Variants in BIRC6 observed in about 807,000 individuals in gnomAD.
BIRC6 encodes the protein dual E2 ubiquitin-conjugating enzyme/E3 ubiquitin-protein ligase BIRC6.
In BIRC6, 98 loss-of-function variants were observed where a neutral mutation model predicts 503.3. The ratio of observed to expected loss-of-function variants is 0.19; its 90% CI spans 0.17 to 0.23. The LOEUF is 0.23. Among genes scored for constraint, BIRC6 ranks in the 10% least tolerant of loss-of-function variants. The pLI is 1.00. For synonymous variants in BIRC6, 2,240 were observed against 2,078.7 expected, an observed-to-expected ratio of 1.08 and a Z score of -2.11; for missense variants, 5,360 against 5,806.0, an observed-to-expected ratio of 0.92 and a Z score of 2.50.
rs925416138 is a variant in BIRC6 at position 32,477,556 on chromosome 2, T to C, written c.7041T>C (p.His2347=). ...TTCTCTCCATGGACTTTACATGTCA[T>C]GCAGATCTCTTATTGTTTGTTTGTA... The part of the protein sequence containing the change: ...LFLLSMDFTC[H]ADLLLFVCKV... The change falls in exon 35 of 74, where the codon CAT becomes CAC. Residue 2347 remains histidine (H), a synonymous_variant. Coordinates refer to ENST00000421745, the MANE Select transcript of BIRC6 (RefSeq NM_016252.4). 4.3e-6 allele frequency: 7 copies of C among 1,613,684 alleles called. No individual in the cohort carries two copies. The highest frequency in any genetic ancestry group is 5.9e-6 in the Non-Finnish European group (7 of 1,179,760).
At chr2:32,447,515 G>T (rs1232693676) in intron 21 of BIRC6, among the ~76,000 whole-genome samples, 1 of 130,550 alleles carries the variant, frequency 7.7e-6, no homozygotes, top group African/African-American at 3.1e-5. Context: ...GGGGCGGCTG[G>T]CCGGGCAGAG....
intron 57 of BIRC6, among the ~76,000 whole-genome samples, chr2:32,520,500 G>A (rs2055537029): frequency 1.3e-5 from 2 of 152,236 alleles, no homozygotes; most frequent in South Asian, 4.1e-4. Context: ...CATTCTACAT[G>A]ATGAAGAAAA....
chr2:32,550,660 A>G (rs1559034263), intron 65 of BIRC6, among the ~76,000 whole-genome samples: 1 of 152,266 alleles, frequency 6.6e-6, no homozygotes, highest in East Asian at 1.9e-4. Flanking sequence ...TACTGTGAAG[A>G]TATGACCTAC....
chr2:32,530,623 A>AC (rs1553486247), intron 60 of BIRC6, among the ~76,000 whole-genome samples: 1 of 152,202 alleles, frequency 6.6e-6, no homozygotes, highest in Non-Finnish European at 1.5e-5. Context: ...GTTGTTTCCA[A>AC]TTTTTACTCC....
At chr2:32,447,367 T>C (rs2046119689) in intron 21 of BIRC6, among the ~76,000 whole-genome samples, 1 of 150,624 alleles carries the variant, frequency 6.6e-6, no homozygotes, top group Non-Finnish European at 1.5e-5. Context: ...ATGGGGCGGC[T>C]GGCCGGGCGG....
At chr2:32,473,024 T>G (rs2049281102) in intron 32 of BIRC6, 88 bp from the exon 33 acceptor site, 2 of 1,155,446 alleles carry the variant, frequency 1.7e-6, no homozygotes, top group Admixed American at 3.1e-5. Flanking sequence ...GACACATGTA[T>G]AACTGTGTTT....
chr2:32,375,745 T>A lies in BIRC6; in HGVS notation c.326-1843T>A, dbSNP rs867601274. ...GTAAATGTATTTTCTTTCTCTCTCTTTTTTTTTTTTTTTGCAATTCAGCTT... is the reference window on the plus strand; with the variant it reads ...GTAAATGTATTTTCTTTCTCTCTCTATTTTTTTTTTTTTGCAATTCAGCTT... On this transcript the variant is annotated intron_variant, in intron 1 of 73. Transcript: ENST00000421745. Among the ~76,000 whole-genome samples the A allele has an allele frequency of 2.2e-4, 6 of 27,520 alleles. No homozygotes were observed. The East Asian group carries it at 0.011, about 52-fold the overall frequency. 18.1% of individuals were successfully genotyped at this position (27,520 alleles called of 152,430 possible). A position where few individuals can be genotyped will look rare whatever the true frequency, so the allele number is the denominator to read the frequency against.
At chr2:32,560,309 A>C (rs1473969880) in intron 65 of BIRC6, among the ~76,000 whole-genome samples, 1 of 152,142 alleles carries the variant, frequency 6.6e-6, no homozygotes, top group African/African-American at 2.4e-5. Context: ...TTTATCTCTC[A>C]CATTTTTTGG....
intron 10 of BIRC6, among the ~76,000 whole-genome samples, chr2:32,420,523 A>G (rs772759878): frequency 2.6e-5 from 4 of 151,292 alleles, no homozygotes; most frequent in Non-Finnish European, 4.4e-5. Flanking sequence ...TTTACTTTTT[A>G]TTTTTTTTGA....
chr2:32,480,620 G>C (rs2050277920), intron 37 of BIRC6, among the ~76,000 whole-genome samples: 2 of 80,872 alleles, frequency 2.5e-5, no homozygotes, highest in Non-Finnish European at 2.4e-5. Flanking sequence ...AAGGTAAATG[G>C]CTTTTTTTTT....
At chr2:32,396,554 C>A (rs551314217) in intron 6 of BIRC6, among the ~76,000 whole-genome samples, 4 of 152,038 alleles carry the variant, frequency 2.6e-5, no homozygotes, top group African/African-American at 4.8e-5. Flanking sequence ...TACAGTAGTC[C>A]CCCTTATTTG....
At chr2:32,489,929 A>T in intron 42 of BIRC6, 112 bp from the exon 43 acceptor site, 1 of 697,544 alleles carries the variant, frequency 1.4e-6, no homozygotes, top group Non-Finnish European at 2.5e-6. Flanking sequence ...GACACTGGTT[A>T]AGGAGCGGAT....
At chr2:32,430,558 A>G (rs1329347839) in intron 11 of BIRC6, among the ~76,000 whole-genome samples, 1 of 152,144 alleles carries the variant, frequency 6.6e-6, no homozygotes, top group Non-Finnish European at 1.5e-5. Flanking sequence ...TTTTCTTGCC[A>G]TCCTTATTAG....
At chr2:32,391,949 C>A in intron 4 of BIRC6, 90 bp from the exon 5 acceptor site, 2 of 827,574 alleles carry the variant, frequency 2.4e-6, no homozygotes, top group Non-Finnish European at 3.7e-6. Flanking sequence ...TTGCTGATAA[C>A]CCAGTAAAAT....
chr2:32,478,317 A>T (rs1215191315), intron 35 of BIRC6, among the ~76,000 whole-genome samples: 5 of 152,200 alleles, frequency 3.3e-5, no homozygotes, highest in Admixed American at 1.3e-4. Context: ...CAGCCTGGCG[A>T]CAGACCGAGA....
Position 32,357,484 on chromosome 2 carries a change from G to A in BIRC6, c.323G>A (p.Ser108Asn), listed in dbSNP as rs750154381. 3.9e-6 allele frequency: 6 copies of A among 1,545,918 alleles called. No homozygotes were observed. In the Admixed American group the frequency reaches 5.9e-5, roughly 15 times the overall value. The change falls in exon 1 of 74, where the codon AGT (serine) becomes AAT (asparagine). Residue 108 changes from serine (S) to asparagine (N), a missense_variant and splice_region_variant. Ser to Asn is a conservative substitution (Grantham distance 46, BLOSUM62 1). Around this residue, in one of 16 missense-constraint regions of BIRC6, gnomAD observed 47 missense variants for 93.3 expected, o/e 0.50. Transcript: ENST00000421745. The surrounding 1 kb of genome is among the most constrained non-coding windows in gnomAD (Gnocchi z 4.9). Reference protein sequence around the residue: ...SGATLQASALSAKPGGQVKCQ... With the variant: ...SGATLQASALNAKPGGQVKCQ... The stretch of plus-strand genomic sequence containing the variant: ...GCCACACTGCAGGCCTCCGCGCTCA[G>A]TGGTGAGTCTTCCGCACGCCGGGCG...
At chr2:32,419,978 T>C (rs2042767891) in intron 10 of BIRC6, among the ~76,000 whole-genome samples, 1 of 152,232 alleles carries the variant, frequency 6.6e-6, no homozygotes, top group Non-Finnish European at 1.5e-5. Flanking sequence ...TTGTTCTTTT[T>C]AGTTCAGTAT....
At chr2:32,421,938 A>G (rs976002794) in intron 10 of BIRC6, among the ~76,000 whole-genome samples, 14 of 152,048 alleles carry the variant, frequency 9.2e-5, no homozygotes, top group African/African-American at 3.4e-4. Context: ...ATCCCTAACT[A>G]TGTTTTTGTT....
chr2:32,420,876 A>G lies in BIRC6; in HGVS notation c.2872+4713A>G, dbSNP rs185566815. On this transcript the variant is annotated intron_variant, in intron 10 of 73. Coordinates refer to ENST00000421745, the MANE Select transcript of BIRC6 (RefSeq NM_016252.4). ...GTCACCACTCTCATTTGTGATACTG[A>G]TCGATGATTTGTATTTTTTTTTTCC... Among the ~76,000 whole-genome samples, 5 of 147,600 alleles carry G rather than the reference A, an allele frequency of 3.4e-5. No individual in the cohort carries two copies. In the East Asian group the frequency reaches 7.9e-4, roughly 23 times the overall value.
Sources: allele counts gnomAD v4.1 joint callset (sites outside exome capture counted in the v4.1 genomes callset), GRCh38; gene constraint gnomAD v4.1.1; regional missense constraint gnomAD v4.1.1; non-coding constraint Gnocchi (gnomAD v3.1); transcripts MANE v1.5; gene names NCBI Gene and HGNC (gene_info 2026-07-23, HGNC 2026-07-21).